Variants in GNG7 observed in about 807,000 individuals in gnomAD.
GNG7 encodes guanine nucleotide-binding protein G(I)/G(S)/G(O) subunit gamma-7.
GNG7 carries 1 observed loss-of-function variant against 4.0 expected under a neutral mutation model. The ratio of observed to expected loss-of-function variants is 0.25; its 90% CI spans 0.09 to 1.18. The LOEUF is 1.18. Ranked by LOEUF, GNG7 falls within the 50% of genes most tolerant of loss-of-function variation. The pLI is 0.50. For missense variants in GNG7, 86 were observed against 91.9 expected, an observed-to-expected ratio of 0.94 and a Z score of 0.26; for synonymous variants, 34 against 36.9, an observed-to-expected ratio of 0.92 and a Z score of 0.29.
intron 3 of GNG7, among the ~76,000 whole-genome samples, chr19:2,550,563 G>C (rs1033523600): frequency 2.0e-5 from 3 of 152,132 alleles, no homozygotes; most frequent in Non-Finnish European, 4.4e-5. Context: ...CCCAGCTTCT[G>C]TGACTGTCCC....
intron 1 of GNG7, among the ~76,000 whole-genome samples, chr19:2,674,375 C>A (rs1043962724): frequency 2.0e-5 from 3 of 152,160 alleles, no homozygotes; most frequent in African/African-American, 7.2e-5. Context: ...GAATCAGAAT[C>A]GTCACACTGC....
Position 2,584,634 on chromosome 19 carries a change from AGGAAGGAG to A in GNG7, c.-77-29454_-77-29447del, listed in dbSNP as rs1232632604. On this transcript the variant is annotated intron_variant, in intron 2 of 4. Transcript: ENST00000382159. ...GAGGGAAGGAAGGAGGAAGGAAGGA[AGGAAGGAG>A]GGAGGGAGGGAGGGAAGGAAGGAAA... Among the ~76,000 whole-genome samples the A allele has an allele frequency of 7.8e-5, 8 of 103,084 alleles. No homozygotes were observed. The South Asian group carries it at 2.1e-3, about 27-fold the overall frequency. The allele number at this position is 103,084 out of a possible 152,430, so 67.6% of individuals were successfully genotyped here.
chr19:2,520,651 A>G lies in GNG7; in HGVS notation c.38T>C (p.Leu13Pro). The G allele has an allele frequency of 6.4e-7, 1 of 1,553,470 alleles. No homozygotes were observed. Among genetic ancestry groups the G allele is most frequent in the Non-Finnish European group, 8.7e-7 (1 of 1,146,214 alleles). The change falls in exon 4 of 5, where the codon CTG (leucine) becomes CCG (proline). Residue 13 changes from leucine (L) to proline (P), a missense_variant. Leu to Pro is a moderately conservative substitution (Grantham distance 98). Coordinates refer to ENST00000382159, the MANE Select transcript of GNG7 (RefSeq NM_052847.3). Reference sequence around the variant, plus strand: ...GGCTTCTATGCGTAGCTGTTCCACCAGCTTCCGGGCCTGGGCTATGTTGTT... The same window carrying G: ...GGCTTCTATGCGTAGCTGTTCCACCGGCTTCCGGGCCTGGGCTATGTTGTT... ...ATNNIAQARK[L>P]VEQLRIEAGI...
At chr19:2,698,282 G>C (rs1277062387) in intron 1 of GNG7, among the ~76,000 whole-genome samples, 1 of 150,138 alleles carries the variant, frequency 6.7e-6, no homozygotes, top group African/African-American at 2.5e-5. Context: ...AAAAAGGACA[G>C]GCCGGGCGCG....
chr19:2,670,635 C>T (rs1010002243), intron 1 of GNG7, among the ~76,000 whole-genome samples: 8 of 151,840 alleles, frequency 5.3e-5, no homozygotes, highest in African/African-American at 1.5e-4. Flanking sequence ...GGTCTCCTCC[C>T]CTAGGCACTG....
chr19:2,547,324 A>G (rs8104774), intron 3 of GNG7, among the ~76,000 whole-genome samples: 28,443 of 152,004 alleles, frequency 0.19, 2,735 homozygotes, highest in African/African-American at 0.24. Context: ...ATCAAGGCAC[A>G]GGCAGGGCTG....
chr19:2,692,634 C>G (rs1041754791), intron 1 of GNG7, among the ~76,000 whole-genome samples: 1 of 132,358 alleles, frequency 7.6e-6, no homozygotes, highest in Non-Finnish European at 1.6e-5. Flanking sequence ...GACTCCATCT[C>G]GAAAAAAAAA....
intron 1 of GNG7, among the ~76,000 whole-genome samples, chr19:2,655,838 GAAAAAAA>G (rs56041767): frequency 1.5e-4 from 8 of 54,724 alleles, no homozygotes; most frequent in Admixed American, 5.5e-4. Flanking sequence ...GGCTCCGTCT[GAAAAAAA>G]AAAAAAAAAA....
chr19:2,649,274 G>C (rs1485043476), intron 1 of GNG7, among the ~76,000 whole-genome samples: 1 of 151,756 alleles, frequency 6.6e-6, no homozygotes, highest in Non-Finnish European at 1.5e-5. Context: ...AAGTGGTCTG[G>C]TGCGCCCTTC....
chr19:2,553,860 A>G (rs1354382278), intron 3 of GNG7, among the ~76,000 whole-genome samples: 1 of 138,736 alleles, frequency 7.2e-6, no homozygotes, highest in African/African-American at 2.6e-5. Context: ...TGTACATATT[A>G]TATGTAACAT....
chr19:2,587,721 C>T (rs1475255458), intron 2 of GNG7, among the ~76,000 whole-genome samples: 1 of 151,958 alleles, frequency 6.6e-6, no homozygotes, highest in African/African-American at 2.4e-5. Flanking sequence ...GTCTCAGCCT[C>T]CAGGAGCTAC....
chr19:2,585,695 G>T (rs1298365504), intron 2 of GNG7, among the ~76,000 whole-genome samples: 1 of 151,980 alleles, frequency 6.6e-6, no homozygotes, highest in Non-Finnish European at 1.5e-5. Context: ...CTCATAAAGT[G>T]TAAAATTCAG....
At chr19:2,679,794 T>C (rs1983685781) in intron 1 of GNG7, among the ~76,000 whole-genome samples, 1 of 152,196 alleles carries the variant, frequency 6.6e-6, no homozygotes, top group Non-Finnish European at 1.5e-5. Context: ...ACTCATTGTA[T>C]TAACTCCAGG....
chr19:2,654,043 T>A (rs113710218), intron 1 of GNG7, among the ~76,000 whole-genome samples: 3,972 of 151,810 alleles, frequency 0.026, 100 homozygotes, highest in Middle Eastern at 0.058. Context: ...ACCCTCGCTG[T>A]GGCGGGGGCG....
At chr19:2,562,846 C>T (rs1979785240) in intron 2 of GNG7, among the ~76,000 whole-genome samples, 1 of 152,206 alleles carries the variant, frequency 6.6e-6, no homozygotes, top group South Asian at 2.1e-4. Flanking sequence ...GGATGTGAGT[C>T]CCAGGAGCTG....
chr19:2,697,834 T>A (rs898078344), intron 1 of GNG7, among the ~76,000 whole-genome samples: 1 of 149,740 alleles, frequency 6.7e-6, no homozygotes, highest in African/African-American at 2.5e-5. Flanking sequence ...TAGCCGGGCG[T>A]GGTGGCACAT....
chr19:2,528,250 GAC>G (rs2144735074), intron 3 of GNG7, among the ~76,000 whole-genome samples: 1 of 130,828 alleles, frequency 7.6e-6, no homozygotes, highest in South Asian at 2.5e-4. Flanking sequence ...CGGCCTGGGT[GAC>G]AGAGTGAGAC....
chr19:2,546,101 C>A lies in GNG7; in HGVS notation c.-38+9048G>T, dbSNP rs560910659. 6.6e-6 allele frequency among the ~76,000 whole-genome samples: 1 copy of A among 152,356 alleles called. No homozygotes were observed. Among genetic ancestry groups the A allele is most frequent in the Non-Finnish European group, 1.5e-5 (1 of 68,032 alleles). On this transcript the variant is annotated intron_variant, in intron 3 of 4. Transcript: ENST00000382159. The surrounding 1 kb of genome is among the most constrained non-coding windows in gnomAD (Gnocchi z 6.3). The stretch of plus-strand genomic sequence containing the variant: ...CCCTGGCAGCTGGGATGCAGGCCCC[C>A]CACGGCCTGCCATGTTCTCACCAGG...
At chr19:2,697,682 C>T (rs954966173) in intron 1 of GNG7, among the ~76,000 whole-genome samples, 5 of 151,994 alleles carry the variant, frequency 3.3e-5, no homozygotes, top group African/African-American at 9.7e-5. Flanking sequence ...CGGCCGGGCG[C>T]GGTGGCTCAC....
Sources: gnomAD v4.1 joint callset for allele counts (sites outside exome capture counted in the v4.1 genomes callset) on GRCh38, gnomAD v4.1.1 for gene constraint, Gnocchi (gnomAD v3.1) non-coding constraint, MANE v1.5 for transcripts, NCBI Gene and HGNC (gene_info 2026-07-23, HGNC 2026-07-21) for gene names.